Variants in SLMAP observed in about 807,000 individuals in gnomAD.
SLMAP encodes sarcolemmal membrane-associated protein.
In SLMAP, 44 loss-of-function variants were observed where a neutral mutation model predicts 128.8. The observed-to-expected ratio is 0.34, with a 90% CI of 0.27 to 0.44. The LOEUF (loss-of-function observed/expected upper bound fraction) is 0.44, where lower values mean the gene tolerates loss of function less well. SLMAP is among the 20% of genes least tolerant of loss of function. The pLI is 1.00. For synonymous variants in SLMAP, 327 were observed against 348.8 expected (o/e 0.94, Z 0.70); for missense variants, 787 against 985.3 (o/e 0.80, Z 2.69).
intron 23 of SLMAP, among the ~76,000 whole-genome samples, chr3:57,923,587 CA>C (rs2096953223): frequency 1.3e-5 from 2 of 152,248 alleles, no homozygotes; most frequent in South Asian, 4.2e-4. Flanking sequence ...GCTAGAAAGA[CA>C]GATGGTCTTT....
At chr3:57,783,487 C>T (rs750687779) in intron 2 of SLMAP, among the ~76,000 whole-genome samples, 54 of 152,042 alleles carry the variant, frequency 3.6e-4, no homozygotes, top group Non-Finnish European at 6.9e-4. Flanking sequence ...AATTTTTAAA[C>T]AAAATATTGA....
intron 21 of SLMAP, among the ~76,000 whole-genome samples, chr3:57,915,194 G>T (rs1372978999): frequency 6.6e-6 from 1 of 152,122 alleles, no homozygotes; most frequent in African/African-American, 2.4e-5. Flanking sequence ...TAATGATTCA[G>T]GCTAGATCCC....
intron 2 of SLMAP, among the ~76,000 whole-genome samples, chr3:57,806,343 G>C (rs1365836902): frequency 6.6e-6 from 1 of 152,052 alleles, no homozygotes; most frequent in Non-Finnish European, 1.5e-5. Context: ...TGAGGATGAT[G>C]GCTTCCAGCT....
chr3:57,836,020 C>T (rs377401860), intron 3 of SLMAP, among the ~76,000 whole-genome samples: 10 of 152,008 alleles, frequency 6.6e-5, no homozygotes, highest in Admixed American at 6.5e-4. Context: ...TTTTAAAACT[C>T]CCCATTTTAC....
At chr3:57,789,144 A>G (rs1375497896) in intron 2 of SLMAP, among the ~76,000 whole-genome samples, 1 of 152,170 alleles carries the variant, frequency 6.6e-6, no homozygotes, top group Non-Finnish European at 1.5e-5. Context: ...TACTGAGTTG[A>G]ATAAGTTTGT....
chr3:57,855,725 A>G (rs1188541542), intron 6 of SLMAP, among the ~76,000 whole-genome samples: 1 of 147,752 alleles, frequency 6.8e-6, no homozygotes, highest in African/African-American at 2.5e-5. Flanking sequence ...AAAAAAAAAA[A>G]CAAAAAAAAA....
Position 57,925,901 on chromosome 3 carries a change from G to C in SLMAP, c.2502G>C (p.Leu834=), listed in dbSNP as rs1182557984. The C allele has an allele frequency of 7.7e-6, 12 of 1,551,056 alleles. No homozygotes were observed. The highest frequency in any genetic ancestry group is 1.0e-5 in the Non-Finnish European group (12 of 1,147,046). The part of the protein sequence containing the change: ...AVFIGLFLAF[L]FWCFGPLW The stretch of plus-strand genomic sequence containing the variant: ...TCATCGGCCTATTCCTGGCTTTCCT[G>C]TTTTGGTGTTTCGGTCCATTGTGGT... The change falls in exon 24 of 25, where the codon CTG becomes CTC. Residue 834 remains leucine (L), a synonymous_variant. Coordinates refer to ENST00000671191, the MANE Select transcript of SLMAP (RefSeq NM_001377540.1).
At chr3:57,815,493 A>G (rs902016333) in intron 2 of SLMAP, among the ~76,000 whole-genome samples, 4 of 152,190 alleles carry the variant, frequency 2.6e-5, no homozygotes. Flanking sequence ...CATAAATATC[A>G]TGGTTATTTA....
chr3:57,827,465 CAG>C (rs1474876955), intron 2 of SLMAP, among the ~76,000 whole-genome samples: 5 of 152,230 alleles, frequency 3.3e-5, no homozygotes, highest in South Asian at 2.1e-4. Flanking sequence ...ACTGATGAGA[CAG>C]GGGTAAACCT....
intron 2 of SLMAP, among the ~76,000 whole-genome samples, chr3:57,809,005 C>T (rs1414549008): frequency 1.3e-5 from 2 of 152,166 alleles, no homozygotes; most frequent in African/African-American, 2.4e-5. Flanking sequence ...TCTACCATTA[C>T]GTAATGCCCT....
At chr3:57,890,204 T>G in intron 15 of SLMAP, 104 bp downstream of exon 15, 1 of 1,052,350 alleles carries the variant, frequency 9.5e-7, no homozygotes, top group Non-Finnish European at 1.4e-6. Context: ...TTACTTCTTA[T>G]AGCTCACAAA....
chr3:57,906,300 C>CTTTTTTTTCTTTTTTTTTTT (rs2096541411), intron 17 of SLMAP, among the ~76,000 whole-genome samples: 2 of 71,288 alleles, frequency 2.8e-5, no homozygotes, highest in African/African-American at 9.6e-5. Context: ...AAATTTTTTT[C>CTTTTTTTTCTTTTTTTTTTT]TTTTTTTTTC....
chr3:57,785,267 C>G (rs1295452434), intron 2 of SLMAP, among the ~76,000 whole-genome samples: 1 of 152,114 alleles, frequency 6.6e-6, no homozygotes, highest in Non-Finnish European at 1.5e-5. Flanking sequence ...GCCTTACACC[C>G]TGAGAGAATG....
intron 14 of SLMAP, among the ~76,000 whole-genome samples, chr3:57,887,636 T>C (rs1445170539): frequency 3.3e-5 from 5 of 152,230 alleles, no homozygotes; most frequent in Non-Finnish European, 7.3e-5. Flanking sequence ...ATGGAGTCTT[T>C]ACTATCTTAT....
chr3:57,821,099 G>A (rs2092462209), intron 2 of SLMAP, among the ~76,000 whole-genome samples: 1 of 152,070 alleles, frequency 6.6e-6, no homozygotes, highest in Non-Finnish European at 1.5e-5. Flanking sequence ...AATTCTAGTT[G>A]GGTTTTATAT....
chr3:57,885,174 G>T (rs137945150), intron 14 of SLMAP, among the ~76,000 whole-genome samples: 1,785 of 151,048 alleles, frequency 0.012, 35 homozygotes, highest in African/African-American at 0.041. Context: ...CCAGGTTCAA[G>T]CAATTCTCCT....
chr3:57,899,495 G>C (rs996291176), intron 17 of SLMAP: 1 of 152,172 alleles, frequency 6.6e-6, no homozygotes, highest in African/African-American at 2.4e-5. Context: ...TAATGAAGTA[G>C]TATCTTTATA....
At chr3:57,768,951 C>G (rs556378880) in intron 2 of SLMAP, among the ~76,000 whole-genome samples, 1 of 152,144 alleles carries the variant, frequency 6.6e-6, no homozygotes, top group Non-Finnish European at 1.5e-5. Context: ...CAGCACCCCC[C>G]ACCCCAGTTG....
chr3:57,812,023 G>A (rs115811622), intron 2 of SLMAP, among the ~76,000 whole-genome samples: 313 of 152,166 alleles, frequency 2.1e-3, no homozygotes, highest in African/African-American at 6.4e-3. Context: ...CATTCTGTGC[G>A]TTGCCTTTTT....
Sources: gnomAD v4.1 joint callset for allele counts (sites outside exome capture counted in the v4.1 genomes callset) on GRCh38, gnomAD v4.1.1 for gene constraint, MANE v1.5 for transcripts, NCBI Gene and HGNC (gene_info 2026-07-23, HGNC 2026-07-21) for gene names.